CHFR: variants seen among roughly 807,000 people sequenced by gnomAD.
The protein encoded by CHFR is checkpoint with forkhead and ring finger domains, also known as E3 ubiquitin-protein ligase CHFR.
Under a neutral mutation model 87.6 loss-of-function variants are expected in CHFR, and 57 were observed. The observed-to-expected ratio is 0.65, with a 90% CI of 0.53 to 0.81. CHFR has a LOEUF of 0.81. Among genes scored for constraint, CHFR ranks in the 30% least tolerant of loss-of-function variants. The pLI is 0.00. For missense variants in CHFR, 797 were observed against 865.8 expected, an observed-to-expected ratio of 0.92 and a Z score of 1.00; for synonymous variants, 381 against 359.2, an observed-to-expected ratio of 1.06 and a Z score of -0.69.
intron 1 of CHFR, 35 bp from the exon 2 acceptor site, chr12:132,887,375 C>T (rs1429870527): frequency 2.3e-6 from 3 of 1,282,776 alleles, no homozygotes; most frequent in South Asian, 2.3e-5. Context: ...TGGAGACTCC[C>T]GACCCCAGAG....
At chr12:132,851,143 A>G (rs2136943128) in intron 12 of CHFR, among the ~76,000 whole-genome samples, 1 of 152,120 alleles carries the variant, frequency 6.6e-6, no homozygotes, top group Non-Finnish European at 1.5e-5. Flanking sequence ...GGTGTACACC[A>G]TCATGTCTGG....
In CHFR at chr12:132,887,291, G is replaced by T. The variant is rs1407689006; in HGVS notation, c.38C>A (p.Pro13Gln). 4.1e-6 allele frequency: 6 copies of T among 1,481,180 alleles called. No individual in the cohort carries two copies. Among genetic ancestry groups the T allele is most frequent in the Admixed American group, 2.4e-5 (1 of 42,098 alleles). 91.8% of individuals were successfully genotyped at this position (1,481,180 alleles called of 1,614,324 possible). A position where few individuals can be genotyped will look rare whatever the true frequency, so the allele number is the denominator to read the frequency against. ...RPEEGKQSPP[P>Q]QPWGRLLRLG... ...ACGCAGGAGCCGTCCCCAGGGCTGC[G>T]GCGGCGGCGACTGCTTGCCTTCCTC... is the stretch of plus-strand genomic sequence containing the variant. Residue 13 changes from proline (P) to glutamine (Q), a missense_variant, in exon 2 of 18, where the codon CCG becomes CAG. By Grantham distance (76) the Pro-to-Gln change is moderately conservative (BLOSUM62 -1). Transcript: ENST00000450056.
intron 3 of CHFR, 130 bp from the exon 4 acceptor site, chr12:132,872,524 C>T (rs1373281128): frequency 1.4e-5 from 9 of 636,110 alleles, no homozygotes; most frequent in Non-Finnish European, 2.0e-5. Context: ...AGTGTAAATA[C>T]GTAACGATGC....
chr12:132,871,999 T>G, intron 4 of CHFR: 1 of 378,328 alleles, frequency 2.6e-6, no homozygotes. Flanking sequence ...GTTCTTCTCC[T>G]GTAGAACCCA....
In CHFR at chr12:132,887,189, C is replaced by T. The variant is rs145527630; in HGVS notation, c.133+7G>A. On this transcript the variant is annotated splice_region_variant and intron_variant, in intron 2 of 17. Transcript: ENST00000450056. Reference sequence around the variant, plus strand: ...CCCGGCCCCCGGCCCCGGCCTCAGCCCCGCACCTCGTCTCCGCCCGATGGT... The same window carrying T: ...CCCGGCCCCCGGCCCCGGCCTCAGCTCCGCACCTCGTCTCCGCCCGATGGT... 50,720 of 1,488,982 alleles carry T rather than the reference C, an allele frequency of 0.034. 1,107 individuals carry two copies. The highest frequency in any genetic ancestry group is 0.043 in the Middle Eastern group (205 of 4,744). 92.2% of individuals were successfully genotyped at this position (1,488,982 alleles called of 1,614,324 possible).
Position 132,872,229 on chromosome 12 carries a change from G to T in CHFR, c.343+56C>A, listed in dbSNP as rs2291254. On this transcript the variant is annotated intron_variant, in intron 4 of 17. Transcript: ENST00000450056. ...TAGCCAGGAGGAACGTTCAGAGAGC[G>T]CCCTCACGTGCACCCCCGTGCGGGT... 3 of 1,056,044 alleles carry T rather than the reference G, an allele frequency of 2.8e-6. No homozygotes were observed. The African/African-American group carries it at 4.7e-5, about 16-fold the overall frequency. The allele number at this position is 1,056,044 out of a possible 1,614,324, so 65.4% of individuals were successfully genotyped here. A position where few individuals can be genotyped will look rare whatever the true frequency, so the allele number is the denominator to read the frequency against.
At chr12:132,880,721 C>T (rs1389086229) in intron 2 of CHFR, among the ~76,000 whole-genome samples, 2 of 150,708 alleles carry the variant, frequency 1.3e-5, no homozygotes, top group African/African-American at 2.4e-5. Flanking sequence ...AATCTCAGCA[C>T]GTTGGGAGGC....
chr12:132,870,916 G>C (rs1052719137), intron 4 of CHFR, 133 bp from the exon 5 acceptor site: 4 of 531,568 alleles, frequency 7.5e-6, no homozygotes, highest in East Asian at 2.9e-5. Context: ...AAATTCATCA[G>C]TTTAAGAGAT....
chr12:132,863,599 C>T (rs1000110400), intron 6 of CHFR, among the ~76,000 whole-genome samples: 7 of 152,224 alleles, frequency 4.6e-5, no homozygotes, highest in South Asian at 2.1e-4. Flanking sequence ...TAGCTTCCAA[C>T]GGGTGGAGAT....
At chr12:132,858,382 A>G (rs1322628510) in intron 8 of CHFR, among the ~76,000 whole-genome samples, 2 of 151,414 alleles carry the variant, frequency 1.3e-5, no homozygotes, top group South Asian at 2.1e-4. Context: ...ACAAAAACAA[A>G]AAACCACCCC....
Position 132,857,439 on chromosome 12 carries a change from G to A in CHFR, c.1032C>T (p.Asn344=). The A allele has an allele frequency of 6.2e-7, 1 of 1,614,212 alleles. No individual in the cohort carries two copies. ...VERICKNHIL[N]NLVEAYLIQH... Reference sequence around the variant, plus strand: ...GGATGAGGTATGCTTCCACGAGGTTGTTGAGGATGTGGTTTTTACAGATCC... The same window carrying A: ...GGATGAGGTATGCTTCCACGAGGTTATTGAGGATGTGGTTTTTACAGATCC... Residue 344 remains asparagine, a synonymous_variant, in exon 9 of 18, where the codon AAC becomes AAT. Coordinates refer to ENST00000450056, the MANE Select transcript of CHFR (RefSeq NM_001161346.2).
At chr12:132,862,484 G>C (rs988396275) in intron 6 of CHFR, 2 of 433,088 alleles carry the variant, frequency 4.6e-6, no homozygotes, top group Admixed American at 5.1e-5. Context: ...CGAGCATATG[G>C]TCCCAGCTAC....
intron 15 of CHFR, 151 bp from the exon 16 acceptor site, chr12:132,844,285 T>C (rs1261247261): frequency 1.7e-6 from 1 of 590,614 alleles, no homozygotes; most frequent in Non-Finnish European, 3.2e-6. Context: ...CCAATCTAGA[T>C]ACGAATTTAT....
rs1256563011 is a variant in CHFR, at chr12:132,840,537, A to T, written c.*1017T>A. ...ACAGGTGATTTCAACAAAAGATAAAAAACTTTTTTTTCCAAAAATCAAAAT... is the reference window on the plus strand; with the variant it reads ...ACAGGTGATTTCAACAAAAGATAAATAACTTTTTTTTCCAAAAATCAAAAT... On this transcript the variant is annotated 3_prime_UTR_variant, in exon 18 of 18. Transcript: ENST00000450056. The T allele has an allele frequency of 1.3e-5, 2 of 152,664 alleles. No homozygotes were observed. Among genetic ancestry groups the T allele is most frequent in the Non-Finnish European group, 1.5e-5 (1 of 68,046 alleles). The allele number at this position is 152,664 out of a possible 1,614,324, so 9.5% of individuals were successfully genotyped here.
At position 132,872,217 on chromosome 12, in the gene CHFR, C is replaced by T. The variant is rs142414536; in HGVS notation, c.343+68G>A. On this transcript the variant is annotated intron_variant, in intron 4 of 17. Coordinates refer to ENST00000450056, the MANE Select transcript of CHFR (RefSeq NM_001161346.2). ...TGGGAAGGGATGTAGCCAGGAGGAA[C>T]GTTCAGAGAGCGCCCTCACGTGCAC... 282 of 945,270 alleles carry T rather than the reference C, an allele frequency of 3.0e-4. No homozygotes were observed. In the African/African-American group the frequency reaches 4.3e-3, roughly 14 times the overall value. The allele number at this position is 945,270 out of a possible 1,614,324, so 58.6% of individuals were successfully genotyped here.
intron 12 of CHFR, 147 bp from the exon 13 acceptor site, chr12:132,848,871 G>T: frequency 1.7e-6 from 1 of 596,282 alleles, no homozygotes. Flanking sequence ...GCCACATCCA[G>T]CTAACGCCAC....
intron 12 of CHFR, among the ~76,000 whole-genome samples, chr12:132,850,402 G>A (rs970362592): frequency 5.3e-5 from 8 of 152,102 alleles, no homozygotes; most frequent in African/African-American, 1.9e-4. Flanking sequence ...TTGGATTCCT[G>A]GGGAAAAGCT....
intron 2 of CHFR, among the ~76,000 whole-genome samples, chr12:132,883,872 G>A (rs1174871583): frequency 6.6e-6 from 1 of 152,208 alleles, no homozygotes; most frequent in Non-Finnish European, 1.5e-5. Context: ...CAACGCTTTG[G>A]GAGGCCAAGG....
intron 7 of CHFR, among the ~76,000 whole-genome samples, chr12:132,859,696 C>T (rs1951172386): frequency 1.3e-5 from 2 of 152,046 alleles, no homozygotes; most frequent in Non-Finnish European, 2.9e-5. Context: ...TGTTGGTAAT[C>T]AATTAATTTT....
Sources: allele counts gnomAD v4.1 joint callset (sites outside exome capture counted in the v4.1 genomes callset), GRCh38; gene constraint gnomAD v4.1.1; transcripts MANE v1.5; gene names NCBI Gene and HGNC (gene_info 2026-07-23, HGNC 2026-07-21).